The following ADAMTSL1 variants were observed in gnomAD, a reference collection of about 807,000 sequenced individuals.
ADAMTSL1 encodes the protein ADAMTS-like protein 1.
In ADAMTSL1, 126 loss-of-function variants were observed where a neutral mutation model predicts 201.8. The ratio of observed to expected loss-of-function variants is 0.62; its 90% confidence interval spans 0.54 to 0.72. The LOEUF is 0.72. ADAMTSL1 is among the 30% of genes least tolerant of loss of function. The probability of loss-of-function intolerance (pLI) is 0.00; values close to 1 mark genes in which losing one functional copy is unlikely to be tolerated. For synonymous variants in ADAMTSL1, 1,121 were observed against 903.4 expected, an observed-to-expected ratio of 1.24 and a Z score of -4.32; for missense variants, 2,679 against 2,277.8, an observed-to-expected ratio of 1.18 and a Z score of -3.59.
At chr9:18,391,739 A>T (rs1333883197) in intron 2 of ADAMTSL1, among the ~76,000 whole-genome samples, 1 of 152,164 alleles carries the variant, frequency 6.6e-6, no homozygotes, top group Non-Finnish European at 1.5e-5. Flanking sequence ...ATGTGATTCA[A>T]CAGAAAAGAC....
At position 18,001,006 on chromosome 9, in the gene ADAMTSL1, C is replaced by A. The variant is rs1347387913; in HGVS notation, c.87+94084C>A. On this transcript the variant is annotated intron_variant, in intron 1 of 29. Transcript: ENST00000680146. Reference sequence around the variant, plus strand: ...ACCTGGATTGACAATCCCATCAGGACTGTATCCAGTTGGGGGAAGTTAGTT... The same window carrying A: ...ACCTGGATTGACAATCCCATCAGGAATGTATCCAGTTGGGGGAAGTTAGTT... 2.6e-5 allele frequency among the ~76,000 whole-genome samples: 4 copies of A among 151,974 alleles called. No homozygotes were observed. The East Asian group carries it at 7.8e-4, about 30-fold the overall frequency.
chr9:18,336,571 A>C (rs1835251250), intron 2 of ADAMTSL1, among the ~76,000 whole-genome samples: 1 of 152,182 alleles, frequency 6.6e-6, no homozygotes, highest in Admixed American at 6.5e-5. Context: ...TAGACAATAC[A>C]CAGTATTTTA....
chr9:18,231,281 C>A (rs1391400113), intron 2 of ADAMTSL1, among the ~76,000 whole-genome samples: 1 of 152,162 alleles, frequency 6.6e-6, no homozygotes, highest in Non-Finnish European at 1.5e-5. Flanking sequence ...CTCTAAATCT[C>A]ATTCACATCT....
chr9:18,624,766 T>C (rs1826251194), intron 5 of ADAMTSL1, among the ~76,000 whole-genome samples: 1 of 152,102 alleles, frequency 6.6e-6, no homozygotes, highest in South Asian at 2.1e-4. Flanking sequence ...CTGAAGCAAA[T>C]TGAGAGCCCT....
intron 4 of ADAMTSL1, among the ~76,000 whole-genome samples, chr9:18,601,115 G>T (rs150904689): frequency 6.6e-6 from 1 of 152,176 alleles, no homozygotes; most frequent in African/African-American, 2.4e-5. Context: ...TCCTAATAGA[G>T]TTTCCTTCTG....
chr9:18,656,627 G>C (rs1368589439), intron 7 of ADAMTSL1, among the ~76,000 whole-genome samples: 3 of 50,132 alleles, frequency 6.0e-5, no homozygotes, highest in Non-Finnish European at 1.3e-4. Context: ...AGACTCCATC[G>C]CAAAAAAAAA....
intron 1 of ADAMTSL1, among the ~76,000 whole-genome samples, chr9:18,012,785 T>A (rs1820106437): frequency 6.6e-6 from 1 of 151,970 alleles, no homozygotes; most frequent in Non-Finnish European, 1.5e-5. Context: ...ATGCGGGAGC[T>A]TTGTCTTTCT....
intron 7 of ADAMTSL1, among the ~76,000 whole-genome samples, chr9:18,649,058 C>G (rs1322988769): frequency 2.6e-5 from 4 of 151,674 alleles, no homozygotes; most frequent in Non-Finnish European, 2.9e-5. Context: ...TTCACATAGT[C>G]CCATATTTCT....
At chr9:18,091,767 T>A (rs1460482609) in intron 1 of ADAMTSL1, among the ~76,000 whole-genome samples, 1 of 152,110 alleles carries the variant, frequency 6.6e-6, no homozygotes, top group East Asian at 1.9e-4. Context: ...AAAGGGGCAT[T>A]ATAATTATTA....
intron 1 of ADAMTSL1, among the ~76,000 whole-genome samples, chr9:18,500,810 T>G (rs894391510): frequency 6.6e-6 from 1 of 152,232 alleles, no homozygotes; most frequent in Non-Finnish European, 1.5e-5. Flanking sequence ...CTACTACTAG[T>G]GAAACATTGC....
intron 15 of ADAMTSL1, among the ~76,000 whole-genome samples, chr9:18,731,104 G>A (rs1588003632): frequency 6.6e-6 from 1 of 152,076 alleles, no homozygotes; most frequent in South Asian, 2.1e-4. Flanking sequence ...GGGGAATCTT[G>A]GCAATTTTTA....
intron 1 of ADAMTSL1, among the ~76,000 whole-genome samples, chr9:17,934,250 C>T (rs1016741135): frequency 2.6e-5 from 4 of 152,124 alleles, no homozygotes; most frequent in African/African-American, 9.7e-5. Context: ...ATAAACTCAG[C>T]TTCTGGCATT....
rs552509736 is a variant in ADAMTSL1, at chr9:18,294,867, G to T, written c.207+130886G>T. ...CATAGGTCATAAGAGTCAGAGGAAG[G>T]CCTGCCATGCTTTCTCTCATTTGGT... is the stretch of plus-strand genomic sequence containing the variant. On this transcript the variant is annotated intron_variant, in intron 2 of 29. Transcript: ENST00000680146. Among the ~76,000 whole-genome samples, 3 of 152,256 alleles carry T rather than the reference G, an allele frequency of 2.0e-5. No homozygotes were observed. The South Asian group carries it at 6.2e-4, about 32-fold the overall frequency.
intron 2 of ADAMTSL1, among the ~76,000 whole-genome samples, chr9:18,525,758 G>A (rs1818998575): frequency 1.3e-5 from 2 of 152,204 alleles, no homozygotes; most frequent in Admixed American, 1.3e-4. Flanking sequence ...GTGGTTTTGA[G>A]TGAGTTTCTT....
chr9:18,898,044 C>G (rs1284067685), intron 26 of ADAMTSL1, among the ~76,000 whole-genome samples: 1 of 151,620 alleles, frequency 6.6e-6, no homozygotes, highest in Non-Finnish European at 1.5e-5. Context: ...AAAAAGTTAG[C>G]CAGGCATTGT....
chr9:18,626,699 G>T (rs1197406545), intron 5 of ADAMTSL1, among the ~76,000 whole-genome samples: 1 of 152,190 alleles, frequency 6.6e-6, no homozygotes, highest in Non-Finnish European at 1.5e-5. Context: ...TAGTTGGAAA[G>T]ATATTACACT....
At chr9:18,495,857 A>G (rs929626601) in intron 1 of ADAMTSL1, among the ~76,000 whole-genome samples, 13 of 152,284 alleles carry the variant, frequency 8.5e-5, no homozygotes, top group African/African-American at 3.1e-4. Flanking sequence ...GATATTTCTC[A>G]TGGTCTTGCT....
intron 2 of ADAMTSL1, among the ~76,000 whole-genome samples, chr9:18,517,632 T>C (rs1286282106): frequency 2.1e-5 from 3 of 145,690 alleles, no homozygotes; most frequent in African/African-American, 7.5e-5. Context: ...TGTGATCTCA[T>C]TGTTCAATTC....
At chr9:18,637,021 A>G (rs1419776657) in intron 6 of ADAMTSL1, among the ~76,000 whole-genome samples, 1 of 152,186 alleles carries the variant, frequency 6.6e-6, no homozygotes, top group African/African-American at 2.4e-5. Flanking sequence ...GACAAATTGA[A>G]GCCCATAAAA....
Sources: allele counts gnomAD v4.1 joint callset (sites outside exome capture counted in the v4.1 genomes callset), GRCh38; gene constraint gnomAD v4.1.1; transcripts MANE v1.5; gene names NCBI Gene and HGNC (gene_info 2026-07-23, HGNC 2026-07-21).